ZNF236: variants seen among roughly 807,000 people sequenced by gnomAD.
ZNF236 encodes the protein zinc finger protein 236.
A neutral mutation model predicts 191.2 loss-of-function variants in ZNF236; 50 were observed. The observed-to-expected ratio is 0.26, with a 90% CI of 0.21 to 0.33. ZNF236 has a LOEUF of 0.33. Among genes scored for constraint, ZNF236 ranks in the 10% least tolerant of loss-of-function variants. ZNF236 has a pLI of 1.00. For synonymous variants in ZNF236, 907 were observed against 928.8 expected (o/e 0.98, Z 0.43); for missense variants, 1,754 against 2,374.5 (o/e 0.74, Z 5.43).
intron 7 of ZNF236, among the ~76,000 whole-genome samples, chr18:76,878,893 T>G (rs2122636979): frequency 6.6e-6 from 1 of 152,342 alleles, no homozygotes; most frequent in East Asian, 1.9e-4. Flanking sequence ...TAATTAATAC[T>G]TAGTTTTTAA....
intron 11 of ZNF236, 52 bp downstream of exon 11, chr18:76,899,274 G>T: frequency 1.3e-6 from 2 of 1,485,360 alleles, no homozygotes; most frequent in South Asian, 2.4e-5. Context: ...TATTTTCTTT[G>T]ACATTTTGTG....
intron 9 of ZNF236, 137 bp downstream of exon 9, chr18:76,881,649 G>A: frequency 1.3e-6 from 1 of 777,112 alleles, no homozygotes; most frequent in Non-Finnish European, 2.0e-6. Flanking sequence ...TAGTTGGTTG[G>A]TATTTAAAAT....
intron 1 of ZNF236, among the ~76,000 whole-genome samples, chr18:76,839,431 C>T (rs550663088): frequency 3.4e-4 from 52 of 152,314 alleles, no homozygotes; most frequent in African/African-American, 1.3e-3. Flanking sequence ...GATGGGTGTG[C>T]ATCTTAAAAA....
At chr18:76,835,972 A>G (rs1490198025) in intron 1 of ZNF236, among the ~76,000 whole-genome samples, 9 of 152,094 alleles carry the variant, frequency 5.9e-5, no homozygotes, top group Non-Finnish European at 1.3e-4. Flanking sequence ...CATTGGCACA[A>G]TCTTGGCCCA....
At chr18:76,935,952 C>T (rs1213943977) in intron 25 of ZNF236, 3 of 456,618 alleles carry the variant, frequency 6.6e-6, no homozygotes, top group Non-Finnish European at 1.3e-5. Flanking sequence ...AGCCTCCCAG[C>T]CTGCTAATGG....
intron 26 of ZNF236, among the ~76,000 whole-genome samples, chr18:76,942,633 T>G (rs1968158357): frequency 6.6e-6 from 1 of 151,416 alleles, no homozygotes. Context: ...TGCCTCAGCC[T>G]CCTGAGTAGC....
At chr18:76,857,174 A>C (rs1976065090) in intron 3 of ZNF236, among the ~76,000 whole-genome samples, 1 of 151,782 alleles carries the variant, frequency 6.6e-6, no homozygotes, top group Non-Finnish European at 1.5e-5. Context: ...CTTCTCTCGC[A>C]GGGCCTTCCC....
intron 26 of ZNF236, 134 bp downstream of exon 26, chr18:76,937,477 T>G (rs770555836): frequency 1.2e-4 from 96 of 799,330 alleles, no homozygotes; most frequent in Non-Finnish European, 1.6e-4. Flanking sequence ...TTTTTCTGAT[T>G]AAAAAATACG....
In ZNF236 at chr18:76,925,158, C is replaced by T; in HGVS notation, c.3662-31C>T. 1 of 1,600,844 alleles carries T rather than the reference C, an allele frequency of 6.2e-7. No individual in the cohort carries two copies. The highest frequency in any genetic ancestry group is 8.5e-7 in the Non-Finnish European group (1 of 1,172,032). On this transcript the variant is annotated intron_variant, in intron 21 of 30. Transcript: ENST00000320610. The surrounding 1 kb of genome is among the most constrained non-coding windows in gnomAD (Gnocchi z 5.7). ...GGGTGAGTGTCGCGACTGCCATCGC[C>T]TCTGTTGATTCTTGGCTGGGCTTTT...
At chr18:76,889,879 A>T (rs1277134732) in intron 9 of ZNF236, among the ~76,000 whole-genome samples, 1 of 152,108 alleles carries the variant, frequency 6.6e-6, no homozygotes, top group Non-Finnish European at 1.5e-5. Flanking sequence ...TTCTAGGAGG[A>T]TGAGTGGCTT....
chr18:76,834,728 A>G, intron 1 of ZNF236: 1 of 442,952 alleles, frequency 2.3e-6, no homozygotes, highest in South Asian at 1.9e-5. Flanking sequence ...TACAACCTGA[A>G]CATCATCCTT....
At chr18:76,950,449 A>G (rs1407681892) in intron 27 of ZNF236, among the ~76,000 whole-genome samples, 1 of 152,178 alleles carries the variant, frequency 6.6e-6, no homozygotes, top group Non-Finnish European at 1.5e-5. Flanking sequence ...ATACCTTTAG[A>G]TCCCTATCTG....
chr18:76,952,458 T>A (rs1968431972), intron 27 of ZNF236, among the ~76,000 whole-genome samples: 1 of 152,242 alleles, frequency 6.6e-6, no homozygotes, highest in African/African-American at 2.4e-5. Context: ...GACACATGCC[T>A]GGGTCTGCCT....
intron 9 of ZNF236, among the ~76,000 whole-genome samples, chr18:76,883,280 T>A (rs1976950765): frequency 6.6e-6 from 1 of 151,792 alleles, no homozygotes; most frequent in African/African-American, 2.4e-5. Context: ...CAAATACACA[T>A]GTAGAGTACT....
At chr18:76,929,898 A>G (rs1967801455) in intron 25 of ZNF236, among the ~76,000 whole-genome samples, 1 of 152,214 alleles carries the variant, frequency 6.6e-6, no homozygotes, top group African/African-American at 2.4e-5. Context: ...AATGCATGCA[A>G]GTACTAGAGA....
In ZNF236 at chr18:76,849,556, C is replaced by T. The variant is rs879145698; in HGVS notation, c.86C>T (p.Thr29Ile). The T allele has an allele frequency of 3.1e-6, 5 of 1,611,280 alleles. No homozygotes were observed. Among genetic ancestry groups the T allele is most frequent in the Middle Eastern group, 1.6e-4 (1 of 6,082 alleles). Residue 29 changes from threonine (T) to isoleucine (I), a missense_variant, in exon 2 of 31, where the codon ACT becomes ATT. By Grantham distance (89) the Thr-to-Ile change is moderately conservative (BLOSUM62 -1). Coordinates refer to ENST00000320610, the MANE Select transcript of ZNF236 (RefSeq NM_001306089.2). Reference protein sequence around the residue: ...DGVLTLNAENTNYAYQVPNFH... With the variant: ...DGVLTLNAENINYAYQVPNFH... ...GTTTTAACATTGAATGCGGAGAACA[C>T]TAATTATGCCTATCAAGTTCCAAAC...
At chr18:76,924,573 A>G (rs1039766349) in intron 21 of ZNF236, among the ~76,000 whole-genome samples, 4 of 152,178 alleles carry the variant, frequency 2.6e-5, no homozygotes, top group Non-Finnish European at 5.9e-5. Context: ...CAGCTCCCAG[A>G]GGCTCTTGGA....
Position 76,915,723 on chromosome 18 carries a change from A to T in ZNF236, c.3138A>T (p.Thr1046=), listed in dbSNP as rs754848497. 6.2e-7 allele frequency: 1 copy of T among 1,614,204 alleles called. No homozygotes were observed. The highest frequency in any genetic ancestry group is 8.5e-7 in the Non-Finnish European group (1 of 1,180,040). ...GCAGCCTCACCCGGCACATGGCCAC[A>T]CATATGAGCATGAAGCCTTATAAGT... ...TNGSLTRHMA[T]HMSMKPYKCP... is the part of the protein sequence containing the mutation. The change falls in exon 19 of 31, where the codon ACA becomes ACT. Residue 1046 remains threonine (T), a synonymous_variant. Transcript: ENST00000320610.
intron 1 of ZNF236, among the ~76,000 whole-genome samples, chr18:76,848,425 T>C (rs1229561830): frequency 2.6e-5 from 4 of 152,246 alleles, no homozygotes; most frequent in Non-Finnish European, 5.9e-5. Context: ...ACTTGAAGTA[T>C]ATTTATTTTT....
Sources: gnomAD v4.1 joint callset for allele counts (sites outside exome capture counted in the v4.1 genomes callset) on GRCh38, gnomAD v4.1.1 for gene constraint, Gnocchi (gnomAD v3.1) non-coding constraint, MANE v1.5 for transcripts, NCBI Gene and HGNC (gene_info 2026-07-23, HGNC 2026-07-21) for gene names.